The following BRD3 variants were observed in gnomAD, a reference collection of about 807,000 sequenced individuals.
BRD3 encodes bromodomain containing 3.
BRD3 carries 17 observed loss-of-function variants against 66.8 expected under a neutral mutation model. That is an observed-to-expected ratio of 0.25 (90% CI 0.17 to 0.38). The LOEUF is 0.38. BRD3 is among the 10% of genes least tolerant of loss of function. The probability of loss-of-function intolerance (pLI) is 1.00; values close to 1 mark genes in which losing one functional copy is unlikely to be tolerated. For missense variants in BRD3, 713 were observed against 956.1 expected, an observed-to-expected ratio of 0.75 and a Z score of 3.35; for synonymous variants, 421 against 393.2, an observed-to-expected ratio of 1.07 and a Z score of -0.84.
Position 134,053,437 on chromosome 9 carries a change from G to A in BRD3, c.41C>T (p.Ala14Val), listed in dbSNP as rs368976727. The change falls in exon 2 of 12, where the codon GCG becomes GTG. Residue 14 changes from alanine to valine, a missense_variant. This residue lies in a region of BRD3 where 48 missense variants were observed against 42.5 expected (regional missense o/e 1.13). Transcript: ENST00000303407. ...GGGTGGGTTCACAGGGCCCGGGGTC[G>A]CCGGGATCCCCGCGGGGGCGACTGT... ...ATTVAPAGIP[A>V]TPGPVNPPPP... is the part of the protein sequence containing the mutation. The A allele has an allele frequency of 6.8e-6, 11 of 1,610,192 alleles. No homozygotes were observed. Among genetic ancestry groups the A allele is most frequent in the African/African-American group, 2.7e-5 (2 of 75,004 alleles).
intron 1 of BRD3, among the ~76,000 whole-genome samples, chr9:134,067,485 G>C (rs1404388789): frequency 6.7e-6 from 1 of 148,678 alleles, no homozygotes; most frequent in African/African-American, 2.4e-5. Flanking sequence ...CGGGGCCGCC[G>C]CGCGCACCTT....
chr9:134,049,760 G>C (rs145675018), intron 5 of BRD3, among the ~76,000 whole-genome samples: 1 of 152,358 alleles, frequency 6.6e-6, no homozygotes, highest in East Asian at 1.9e-4. Flanking sequence ...GAGGGTTGCT[G>C]TGAGGATCAA....
At position 134,044,607 on chromosome 9, in the gene BRD3, T is replaced by C. The variant is rs150712703; in HGVS notation, c.1215+686A>G. ...CGATCACAATTAGAGAAGGTAAGAA[T>C]AGATTCTGGCACATCCACCCACACC... On this transcript the variant is annotated intron_variant, in intron 7 of 11. Coordinates refer to ENST00000303407, the MANE Select transcript of BRD3 (RefSeq NM_007371.4). Among the ~76,000 whole-genome samples the C allele has an allele frequency of 1.2e-3, 181 of 152,290 alleles. 1 individual carries two copies. Among genetic ancestry groups the C allele is most frequent in the Non-Finnish European group, 2.1e-3 (145 of 68,028 alleles).
chr9:134,050,253 A>C (rs1830260590), intron 5 of BRD3, 121 bp downstream of exon 5: 2 of 881,900 alleles, frequency 2.3e-6, no homozygotes, highest in Non-Finnish European at 3.5e-6. Flanking sequence ...CGCAGAGAGA[A>C]ACACTCCCAA....
intron 1 of BRD3, among the ~76,000 whole-genome samples, chr9:134,064,970 G>A (rs1240013276): frequency 6.6e-6 from 1 of 152,262 alleles, no homozygotes; most frequent in East Asian, 1.9e-4. Flanking sequence ...TTTGCTACCT[G>A]TGCATCTCTT....
chr9:134,059,262 C>T (rs1435147949), intron 1 of BRD3, among the ~76,000 whole-genome samples: 2 of 152,216 alleles, frequency 1.3e-5, no homozygotes, highest in Admixed American at 6.5e-5. Flanking sequence ...TCCCCGGGCC[C>T]CCAGCACCCC....
At chr9:134,038,201 C>T (rs564270651) in intron 9 of BRD3, among the ~76,000 whole-genome samples, 1 of 152,144 alleles carries the variant, frequency 6.6e-6, no homozygotes, top group East Asian at 1.9e-4. Flanking sequence ...GTCGCCCAGG[C>T]TGGAGTGCAG....
In BRD3 at chr9:134,048,490, CA is replaced by C. The variant is rs750860395; in HGVS notation, c.715-37del. ...GAAATAACCAGTGAACCCCGGAAAC[CA>C]GGGGCCCCGAAGACGCATGTCGCTG... On this transcript the variant is annotated intron_variant, in intron 5 of 11. Coordinates refer to ENST00000303407, the MANE Select transcript of BRD3 (RefSeq NM_007371.4). 100 of 1,596,978 alleles carry C rather than the reference CA, an allele frequency of 6.3e-5. 2 individuals carry two copies. In the South Asian group the frequency reaches 1.0e-3, roughly 17 times the overall value.
Position 134,063,096 on chromosome 9 carries a change from G to A in BRD3, c.-114+4849C>T, listed in dbSNP as rs117753552. On this transcript the variant is annotated intron_variant, in intron 1 of 11. Transcript: ENST00000303407. ...CACTGCTGTCCCACTCAGCCATGCC[G>A]AGCCAGGACAAGGGGCCAGCAGGGC... Among the ~76,000 whole-genome samples, 667 of 152,320 alleles carry A rather than the reference G, an allele frequency of 4.4e-3. 3 individuals are homozygous for A. Among genetic ancestry groups the A allele is most frequent in the Middle Eastern group, 0.017 (5 of 294 alleles).
chr9:134,066,780 C>A (rs1188183082), intron 1 of BRD3, among the ~76,000 whole-genome samples: 1 of 152,214 alleles, frequency 6.6e-6, no homozygotes, highest in African/African-American at 2.4e-5. Flanking sequence ...CAGACAATGA[C>A]CAAGTTTAAT....
At chr9:134,054,650 A>G (rs12345465) in intron 1 of BRD3, among the ~76,000 whole-genome samples, 8,038 of 152,252 alleles carry the variant, frequency 0.053, 628 homozygotes, top group African/African-American at 0.17. Flanking sequence ...CAGCTCTGCC[A>G]TGGGAGGAGC....
Position 134,042,940 on chromosome 9 carries a change from A to G in BRD3, c.1216-989T>C, listed in dbSNP as rs575135627. ...CTGCATCCTCCACATCCTGATTTCA[A>G]GTGATTCTCCTGCCTCAGCCTCCTG... On this transcript the variant is annotated intron_variant, in intron 7 of 11. Coordinates refer to ENST00000303407, the MANE Select transcript of BRD3 (RefSeq NM_007371.4). Among the ~76,000 whole-genome samples the G allele has an allele frequency of 2.4e-4, 36 of 151,852 alleles. No individual in the cohort carries two copies. In the South Asian group the frequency reaches 7.3e-3, roughly 31 times the overall value.
chr9:134,055,462 C>T (rs1006183275), intron 1 of BRD3, among the ~76,000 whole-genome samples: 5 of 152,198 alleles, frequency 3.3e-5, no homozygotes, highest in African/African-American at 1.2e-4. Flanking sequence ...GCTCCCAGAA[C>T]ACCCTTCCTG....
At position 134,033,303 on chromosome 9, in the gene BRD3, G is replaced by C. The variant is rs34389248; in HGVS notation, c.*287C>G. Reference sequence around the variant, plus strand: ...AGGTTCTTCGGTACGAATCTCACACGGTTTTCTGGGGTCATCGGGTTAGCA... The same window carrying C: ...AGGTTCTTCGGTACGAATCTCACACCGTTTTCTGGGGTCATCGGGTTAGCA... On this transcript the variant is annotated 3_prime_UTR_variant, in exon 12 of 12. Coordinates refer to ENST00000303407, the MANE Select transcript of BRD3 (RefSeq NM_007371.4). This position sits in a 1 kb window ranked among gnomAD's most constrained non-coding sequence, Gnocchi z 5.1. The C allele has an allele frequency of 2.3e-6, 1 of 428,036 alleles. No homozygotes were observed. Among genetic ancestry groups the C allele is most frequent in the African/African-American group, 2.0e-5 (1 of 49,212 alleles). 26.5% of individuals were successfully genotyped at this position (428,036 alleles called of 1,614,324 possible). A position where few individuals can be genotyped will look rare whatever the true frequency, so the allele number is the denominator to read the frequency against.
chr9:134,055,393 C>T (rs1177339662), intron 1 of BRD3, among the ~76,000 whole-genome samples: 3 of 152,144 alleles, frequency 2.0e-5, no homozygotes, highest in Non-Finnish European at 2.9e-5. Flanking sequence ...CTGTGACTTG[C>T]GGCCCTCCCT....
intron 4 of BRD3, among the ~76,000 whole-genome samples, chr9:134,051,359 A>G (rs1244876599): frequency 6.6e-6 from 1 of 152,206 alleles, no homozygotes. Context: ...GCAGCCAGCT[A>G]TGGCGTTAAT....
intron 5 of BRD3, 28 bp from the exon 6 acceptor site, chr9:134,048,482 C>G: frequency 1.3e-6 from 2 of 1,597,334 alleles, no homozygotes; most frequent in Admixed American, 1.7e-5. Flanking sequence ...CCAGTGAACC[C>G]CGGAAACCAG....
chr9:134,036,561 G>A (rs756708044), intron 9 of BRD3: 18 of 1,610,634 alleles, frequency 1.1e-5, no homozygotes, highest in South Asian at 9.9e-5. Context: ...CCCCATAGGC[G>A]TCTCAAACTC....
chr9:134,031,232 G>C lies in BRD3; in HGVS notation c.*2358C>G, dbSNP rs1275036957. ...ACCAGCCGAGAAGGAAAGGCCCCACGATGCTCCTGCTGCGCTGCCCCCACA... is the reference window on the plus strand; with the variant it reads ...ACCAGCCGAGAAGGAAAGGCCCCACCATGCTCCTGCTGCGCTGCCCCCACA... On this transcript the variant is annotated 3_prime_UTR_variant, in exon 12 of 12. Coordinates refer to ENST00000303407, the MANE Select transcript of BRD3 (RefSeq NM_007371.4). 10 of 215,720 alleles carry C rather than the reference G, an allele frequency of 4.6e-5. No homozygotes were observed. The highest frequency in any genetic ancestry group is 8.4e-5 in the Non-Finnish European group (9 of 107,086). The allele number at this position is 215,720 out of a possible 1,614,324, so 13.4% of individuals were successfully genotyped here.
Sources: gnomAD v4.1 joint callset for allele counts (sites outside exome capture counted in the v4.1 genomes callset) on GRCh38, gnomAD v4.1.1 for gene constraint, gnomAD v4.1.1 regional missense constraint, Gnocchi (gnomAD v3.1) non-coding constraint, MANE v1.5 for transcripts, NCBI Gene and HGNC (gene_info 2026-07-23, HGNC 2026-07-21) for gene names.